Variants in ZNF559 observed in about 807,000 individuals in gnomAD.
ZNF559 encodes zinc finger protein 559.
A neutral mutation model predicts 14.2 loss-of-function variants in ZNF559; 17 were observed. The ratio of observed to expected loss-of-function variants is 1.20; its 90% confidence interval spans 0.82 to 1.80. The LOEUF (loss-of-function observed/expected upper bound fraction) is 1.80. Among genes scored for constraint, ZNF559 ranks in the 40% most tolerant of loss-of-function variants. The pLI, the probability that ZNF559 is intolerant of heterozygous loss-of-function variation, is 0.00. For synonymous variants in ZNF559, 244 were observed against 212.4 expected (o/e 1.15, Z -1.29); for missense variants, 740 against 629.7 (o/e 1.18, Z -1.88).
intron 2 of ZNF559, among the ~76,000 whole-genome samples, chr19:9,329,422 A>G (rs1436714646): frequency 6.6e-6 from 1 of 152,124 alleles, no homozygotes; most frequent in African/African-American, 2.4e-5. Context: ...CTCCCTAAAT[A>G]TATTGGTGTA....
At position 9,343,064 on chromosome 19, in the gene ZNF559, T is replaced by TTC; in HGVS notation, c.1613_1614insTC (p.Ter539ArgfsTer21). 6.2e-7 allele frequency: 1 copy of TTC among 1,607,848 alleles called. No homozygotes were observed. Among genetic ancestry groups the TTC allele is most frequent in the Non-Finnish European group, 8.5e-7 (1 of 1,177,104 alleles). On this transcript the variant is annotated frameshift_variant, in exon 7 of 7. Coordinates refer to ENST00000603380, the MANE Select transcript of ZNF559 (RefSeq NM_032497.3). LOFTEE classifies it high-confidence loss of function. The stretch of plus-strand genomic sequence containing the variant: ...AATTCCTCATGCCTTACTGAATGTG[T>TTC]GTGAATTGGGGCTGATACTTGGAAA...
At position 9,337,036 on chromosome 19, in the gene ZNF559, A is replaced by G. The variant is rs547986698; in HGVS notation, c.-119-760A>G. Among the ~76,000 whole-genome samples the G allele has an allele frequency of 2.6e-5, 4 of 152,346 alleles. No individual in the cohort carries two copies. The South Asian group carries it at 8.3e-4, about 32-fold the overall frequency. On this transcript the variant is annotated intron_variant, in intron 2 of 6. Transcript: ENST00000603380. ...AAGAAACCAGGCTTCTCTCCCATGT[A>G]GTCACATGGACAGTGCTTAATTCTC...
rs1406751410 is a variant in ZNF559 at position 9,341,013 on chromosome 19, C to G, written c.161-89C>G. On this transcript the variant is annotated intron_variant, in intron 5 of 6. Transcript: ENST00000603380. ...CTATATTTCAAGCCAGTGTTTGAAACTACAGTACATACTAGTCTTGCATTT... is the reference window on the plus strand; with the variant it reads ...CTATATTTCAAGCCAGTGTTTGAAAGTACAGTACATACTAGTCTTGCATTT... 9 of 967,940 alleles carry G rather than the reference C, an allele frequency of 9.3e-6. No individual in the cohort carries two copies. The Admixed American group carries it at 2.3e-4, about 25-fold the overall frequency. The allele number at this position is 967,940 out of a possible 1,614,324, so 60.0% of individuals were successfully genotyped here.
At chr19:9,324,282 G>C in intron 1 of ZNF559, 54 bp downstream of exon 1, 2 of 1,535,924 alleles carry the variant, frequency 1.3e-6, no homozygotes, top group South Asian at 1.2e-5. Context: ...AGCCACGCGA[G>C]AGTAGAAGGG....
At position 9,324,748 on chromosome 19, in the gene ZNF559, G is replaced by A. The variant is rs148902148; in HGVS notation, c.-152G>A. ...GTGACCTTCGCTTGGTGTCCTCCTG[G>A]CCTCAGCAACCTGACAATTCTGTCG... On this transcript the variant is annotated 5_prime_UTR_variant, in exon 2 of 7. Transcript: ENST00000603380. 180 of 1,535,776 alleles carry A rather than the reference G, an allele frequency of 1.2e-4. 1 individual carries two copies. In the African/African-American group the frequency reaches 1.9e-3, roughly 16 times the overall value.
rs1462691654 is a variant in ZNF559 at position 9,343,461 on chromosome 19, C to T, written c.*393C>T. The T allele has an allele frequency of 2.0e-5, 21 of 1,032,920 alleles. No homozygotes were observed. The highest frequency in any genetic ancestry group is 5.0e-5 in the Admixed American group (1 of 19,960). 64.0% of individuals were successfully genotyped at this position (1,032,920 alleles called of 1,614,324 possible). ...TGTGAGCACATTGGATATAAATGCA[C>T]GTCCTCTGGCTGTAAGGAATGTGTT... is the stretch of plus-strand genomic sequence containing the variant. On this transcript the variant is annotated 3_prime_UTR_variant, in exon 7 of 7. Transcript: ENST00000603380.
chr19:9,328,812 T>A (rs2066779694), intron 2 of ZNF559, among the ~76,000 whole-genome samples: 1 of 152,198 alleles, frequency 6.6e-6, no homozygotes, highest in Non-Finnish European at 1.5e-5. Flanking sequence ...GAATGTTGTG[T>A]CAGAAGTCTT....
At chr19:9,326,469 T>G (rs1007706351) in intron 2 of ZNF559, among the ~76,000 whole-genome samples, 2 of 152,220 alleles carry the variant, frequency 1.3e-5, no homozygotes, top group Non-Finnish European at 2.9e-5. Flanking sequence ...AATGCTGCCG[T>G]TCTCATGCAA....
At chr19:9,327,851 C>T in intron 2 of ZNF559, among the ~76,000 whole-genome samples, 1 of 152,066 alleles carries the variant, frequency 6.6e-6, no homozygotes. Context: ...TTAAATTTGG[C>T]TCTGTGTCTT....
rs1388974126 is a variant in ZNF559 at position 9,342,687 on chromosome 19, A to G, written c.1236A>G (p.Gln412=). 3 of 1,614,018 alleles carry G rather than the reference A, an allele frequency of 1.9e-6. No homozygotes were observed. Among genetic ancestry groups the G allele is most frequent in the African/African-American group, 1.3e-5 (1 of 74,924 alleles). The change falls in exon 7 of 7, where the codon CAA becomes CAG. Residue 412 remains glutamine, a synonymous_variant. Transcript: ENST00000603380. ...CTGGTGTAAAACCCTATGACTGTCA[A>G]CAGTGTGGGAAAGCCTTCATTCGAT... is the stretch of plus-strand genomic sequence containing the variant. ...THPGVKPYDC[Q]QCGKAFIRSS... is the part of the protein sequence containing the mutation.
intron 3 of ZNF559, among the ~76,000 whole-genome samples, chr19:9,338,241 T>A (rs8113427): frequency 2.0e-5 from 3 of 151,990 alleles, no homozygotes; most frequent in Non-Finnish European, 2.9e-5. Context: ...GATCAGTTTC[T>A]TTTTTGGCAA....
rs749566038 is a variant in ZNF559, at chr19:9,342,543, C to A, written c.1092C>A (p.Asn364Lys). The change falls in exon 7 of 7, where the codon AAC becomes AAA. Residue 364 changes from asparagine (N) to lysine (K), a missense_variant. Coordinates refer to ENST00000603380, the MANE Select transcript of ZNF559 (RefSeq NM_032497.3). ...AGGAATGTGGGAAAGCTTTTGCTAA[C>A]TCTTCACATCTTACTGTACATATGA... ...ECKECGKAFANSSHLTVHMRT... is the reference protein window; with the variant it reads ...ECKECGKAFAKSSHLTVHMRT... The A allele has an allele frequency of 6.2e-7, 1 of 1,613,544 alleles. No homozygotes were observed. Among genetic ancestry groups the A allele is most frequent in the South Asian group, 1.1e-5 (1 of 91,028 alleles).
intron 2 of ZNF559, among the ~76,000 whole-genome samples, chr19:9,335,218 C>T (rs551897335): frequency 5.3e-5 from 8 of 152,114 alleles, no homozygotes; most frequent in African/African-American, 1.9e-4. Flanking sequence ...GGGAGGATCG[C>T]TTGAGCCCAG....
chr19:9,324,106 G>A, upstream of ZNF559: 12 of 1,511,892 alleles, frequency 7.9e-6, no homozygotes, highest in South Asian at 1.2e-5. Flanking sequence ...CAGCTGATGG[G>A]CCCGGGAACC....
chr19:9,337,873 TC>T lies in ZNF559; in HGVS notation c.-57+18del. On this transcript the variant is annotated intron_variant, in intron 3 of 6. Transcript: ENST00000603380. Reference sequence around the variant, plus strand: ...AAAGATTGACGGTATGAGGCAAGACTCCCACTACTACTTAATCAAGAGGAAT... The same window carrying T: ...AAAGATTGACGGTATGAGGCAAGACTCCACTACTACTTAATCAAGAGGAAT... 6.6e-7 allele frequency: 1 copy of T among 1,522,528 alleles called. No individual in the cohort carries two copies. Among genetic ancestry groups the T allele is most frequent in the Non-Finnish European group, 8.8e-7 (1 of 1,139,072 alleles). The allele number at this position is 1,522,528 out of a possible 1,614,324, so 94.3% of individuals were successfully genotyped here.
At chr19:9,324,658 AGTC>A in intron 1 of ZNF559, 34 bp from the exon 2 acceptor site, 2 of 1,056,480 alleles carry the variant, frequency 1.9e-6, no homozygotes, top group African/African-American at 1.9e-5. Context: ...AAAAAAAAAA[AGTC>A]TCCACATCCA....
intron 5 of ZNF559, among the ~76,000 whole-genome samples, chr19:9,340,585 A>G (rs2067514595): frequency 7.3e-6 from 1 of 136,410 alleles, no homozygotes; most frequent in East Asian, 2.0e-4. Context: ...AAAAAAAAAA[A>G]AAAAAAGAGT....
At chr19:9,336,737 C>T (rs1325339562) in intron 2 of ZNF559, among the ~76,000 whole-genome samples, 2 of 152,136 alleles carry the variant, frequency 1.3e-5, no homozygotes, top group African/African-American at 4.8e-5. Context: ...AGATAAGGTC[C>T]TTCATAAATG....
At chr19:9,330,770 C>T (rs551296347) in intron 2 of ZNF559, among the ~76,000 whole-genome samples, 1 of 152,312 alleles carries the variant, frequency 6.6e-6, no homozygotes, top group East Asian at 1.9e-4. Context: ...ATTGTTATGA[C>T]TTCCTTCTCA....
Sources: allele counts gnomAD v4.1 joint callset (sites outside exome capture counted in the v4.1 genomes callset), GRCh38; gene constraint gnomAD v4.1.1; transcripts MANE v1.5; gene names NCBI Gene and HGNC (gene_info 2026-07-23, HGNC 2026-07-21).